Variants in NRXN3 observed in about 807,000 individuals in gnomAD.
The protein encoded by NRXN3 is neurexin III.
A neutral mutation model predicts 137.6 loss-of-function variants in NRXN3; 32 were observed. The ratio of observed to expected loss-of-function variants is 0.23; its 90% CI spans 0.18 to 0.31. The LOEUF is 0.31. Among genes scored for constraint, NRXN3 ranks in the 10% least tolerant of loss-of-function variants. NRXN3 has a pLI of 1.00. For synonymous variants in NRXN3, 798 were observed against 784.5 expected (o/e 1.02, Z -0.29); for missense variants, 1,574 against 2,062.5 (o/e 0.76, Z 4.59).
chr14:79,409,617 C>CTATA (rs796485268), intron 15 of NRXN3, among the ~76,000 whole-genome samples: 17,652 of 111,848 alleles, frequency 0.16, 1,440 homozygotes, highest in Non-Finnish European at 0.2. Flanking sequence ...GTGTGTGTGT[C>CTATA]TATATATATA....
At chr14:79,464,732 A>C (rs2096399441) in intron 15 of NRXN3, among the ~76,000 whole-genome samples, 1 of 152,168 alleles carries the variant, frequency 6.6e-6, no homozygotes, top group African/African-American at 2.4e-5. Flanking sequence ...GTGTAATTAC[A>C]TTGGTATGTG....
At chr14:78,521,801 C>A (rs1044164917) in intron 4 of NRXN3, among the ~76,000 whole-genome samples, 22 of 151,906 alleles carry the variant, frequency 1.4e-4, no homozygotes, top group South Asian at 6.2e-4. Flanking sequence ...TTAAAAAAAA[C>A]CCCATGGAAT....
intron 14 of NRXN3, among the ~76,000 whole-genome samples, chr14:78,977,413 T>C (rs2099471658): frequency 6.6e-6 from 1 of 152,164 alleles, no homozygotes; most frequent in South Asian, 2.1e-4. Flanking sequence ...TCTCTCTCTT[T>C]TAAAGTATAT....
At chr14:78,974,548 T>G (rs1037834137) in intron 14 of NRXN3, among the ~76,000 whole-genome samples, 1 of 152,196 alleles carries the variant, frequency 6.6e-6, no homozygotes, top group Non-Finnish European at 1.5e-5. Context: ...CATAGTGGTT[T>G]GGAATATATT....
intron 4 of NRXN3, among the ~76,000 whole-genome samples, chr14:78,549,615 T>C (rs1430312950): frequency 6.6e-6 from 1 of 152,230 alleles, no homozygotes; most frequent in Non-Finnish European, 1.5e-5. Context: ...TGGATATTTT[T>C]TGAATAAAAA....
chr14:79,597,804 GA>G (rs2097875309), intron 16 of NRXN3, among the ~76,000 whole-genome samples: 2 of 151,852 alleles, frequency 1.3e-5, no homozygotes, highest in South Asian at 2.1e-4. Flanking sequence ...TTGGATCTGT[GA>G]AAAAAAGGAA....
chr14:79,095,169 C>T (rs1206923437), intron 15 of NRXN3, among the ~76,000 whole-genome samples: 1 of 152,084 alleles, frequency 6.6e-6, no homozygotes, highest in Non-Finnish European at 1.5e-5. Context: ...CTGAGACAGC[C>T]ACTTTACTCC....
chr14:79,163,045 A>C (rs1013085965), intron 15 of NRXN3, among the ~76,000 whole-genome samples: 11 of 151,994 alleles, frequency 7.2e-5, no homozygotes, highest in Non-Finnish European at 1.5e-4. Context: ...GTCAGCATTT[A>C]AATTTGGTAA....
At chr14:79,060,772 CT>C (rs905274655) in intron 15 of NRXN3, among the ~76,000 whole-genome samples, 6 of 151,518 alleles carry the variant, frequency 4.0e-5, no homozygotes, top group African/African-American at 9.7e-5. Flanking sequence ...ATTCCTCCCT[CT>C]TTTTTTTTCT....
intron 15 of NRXN3, among the ~76,000 whole-genome samples, chr14:79,189,081 C>T (rs927140198): frequency 3.2e-4 from 49 of 151,906 alleles, no homozygotes; most frequent in South Asian, 8.4e-4. Flanking sequence ...TAAAGACACA[C>T]GCACACATAT....
intron 14 of NRXN3, among the ~76,000 whole-genome samples, chr14:78,974,669 G>T (rs964529195): frequency 6.6e-6 from 1 of 151,920 alleles, no homozygotes; most frequent in African/African-American, 2.4e-5. Flanking sequence ...CTCTTTGTTT[G>T]TGGCAGGAGC....
chr14:79,822,349 A>C (rs769477752), intron 20 of NRXN3, among the ~76,000 whole-genome samples: 34 of 152,194 alleles, frequency 2.2e-4, no homozygotes, highest in Non-Finnish European at 4.9e-4. Flanking sequence ...GCACAAAGTC[A>C]AACTTACAGA....
chr14:79,430,476 G>A (rs1304682914), intron 15 of NRXN3, among the ~76,000 whole-genome samples: 1 of 152,174 alleles, frequency 6.6e-6, no homozygotes, highest in Admixed American at 6.5e-5. Context: ...CATGTGACTA[G>A]CCAAGACTCA....
At chr14:78,211,386 T>G (rs939393740) in intron 1 of NRXN3, among the ~76,000 whole-genome samples, 2 of 152,206 alleles carry the variant, frequency 1.3e-5, no homozygotes, top group Admixed American at 1.3e-4. Flanking sequence ...CACTTAGTTT[T>G]TCTCCACCGT....
chr14:79,197,023 G>A (rs113038027), intron 15 of NRXN3, among the ~76,000 whole-genome samples: 155 of 152,222 alleles, frequency 1.0e-3, no homozygotes, highest in African/African-American at 3.5e-3. Context: ...TTGCTCAGGT[G>A]GGCTAGGTCA....
At chr14:79,472,393 C>T (rs1327115020) in intron 16 of NRXN3, among the ~76,000 whole-genome samples, 1 of 152,064 alleles carries the variant, frequency 6.6e-6, no homozygotes, top group Admixed American at 6.5e-5. Flanking sequence ...CAGAGAGGGC[C>T]AGGAGATAAA....
chr14:79,653,646 ATTAGT>A (rs1415939600), intron 16 of NRXN3, among the ~76,000 whole-genome samples: 2 of 152,158 alleles, frequency 1.3e-5, no homozygotes, highest in Non-Finnish European at 2.9e-5. Flanking sequence ...TCTAAGATAG[ATTAGT>A]TTATGCCTAA....
At chr14:79,749,628 C>A (rs1326079009) in intron 19 of NRXN3, among the ~76,000 whole-genome samples, 1 of 152,058 alleles carries the variant, frequency 6.6e-6, no homozygotes, top group Non-Finnish European at 1.5e-5. Flanking sequence ...TCAACACTGG[C>A]TTCATCTTCC....
chr14:78,680,034 G>A (rs1388050599), intron 6 of NRXN3, among the ~76,000 whole-genome samples: 3 of 152,048 alleles, frequency 2.0e-5, no homozygotes, highest in Non-Finnish European at 4.4e-5. Flanking sequence ...ATAAGTATAT[G>A]TATAATTACA....
Sources: allele counts gnomAD v4.1 joint callset (sites outside exome capture counted in the v4.1 genomes callset), GRCh38; gene constraint gnomAD v4.1.1; transcripts MANE v1.5; gene names NCBI Gene and HGNC (gene_info 2026-07-23, HGNC 2026-07-21).